Variants in DLGAP2 observed in about 807,000 individuals in gnomAD.
DLGAP2 encodes DLG associated protein 2, also known as disks large-associated protein 2.
A neutral mutation model predicts 100.3 loss-of-function variants in DLGAP2; 26 were observed. The ratio of observed to expected loss-of-function variants is 0.26; its 90% confidence interval spans 0.19 to 0.36. The LOEUF (loss-of-function observed/expected upper bound fraction) is 0.36. Among genes scored for constraint, DLGAP2 ranks in the 10% least tolerant of loss-of-function variants. The pLI, the probability that DLGAP2 is intolerant of heterozygous loss-of-function variation, is 1.00. For synonymous variants in DLGAP2, 886 were observed against 630.1 expected, an observed-to-expected ratio of 1.41 and a Z score of -6.08; for missense variants, 1,858 against 1,453.2, an observed-to-expected ratio of 1.28 and a Z score of -4.53.
chr8:916,480 A>G (rs556397574), intron 2 of DLGAP2, among the ~76,000 whole-genome samples: 1 of 152,312 alleles, frequency 6.6e-6, no homozygotes, highest in East Asian at 1.9e-4. Flanking sequence ...GAACAATGAG[A>G]ACAGTTGGAC....
At chr8:1,147,538 CTTTTT>C (rs66900715) in intron 2 of DLGAP2, among the ~76,000 whole-genome samples, 1 of 144,376 alleles carries the variant, frequency 6.9e-6, no homozygotes, top group Non-Finnish European at 1.5e-5. Context: ...ATACCTTCTT[CTTTTT>C]TTTTTTTTTT....
At chr8:998,025 ATGC>A (rs1800834310) in intron 2 of DLGAP2, among the ~76,000 whole-genome samples, 1 of 151,860 alleles carries the variant, frequency 6.6e-6, no homozygotes, top group Admixed American at 6.6e-5. Context: ...GCACACAAAC[ATGC>A]ATAAACATGT....
At chr8:1,292,649 A>G (rs528659055) in intron 3 of DLGAP2, among the ~76,000 whole-genome samples, 88 of 152,336 alleles carry the variant, frequency 5.8e-4, no homozygotes, top group African/African-American at 2.0e-3. Context: ...TACCCAATGT[A>G]ACGGCCTCCG....
intron 2 of DLGAP2, among the ~76,000 whole-genome samples, chr8:1,023,640 TC>T (rs1449653981): frequency 6.6e-6 from 1 of 151,030 alleles, no homozygotes; most frequent in African/African-American, 2.4e-5. Context: ...TGATCATTGT[TC>T]CCCACGTGTG....
chr8:1,267,579 A>AAAAT (rs1273852129), intron 3 of DLGAP2, among the ~76,000 whole-genome samples: 10 of 58,460 alleles, frequency 1.7e-4, no homozygotes, highest in African/African-American at 8.2e-4. Context: ...AAAATAAAAT[A>AAAAT]AAATAAAATA....
intron 3 of DLGAP2, among the ~76,000 whole-genome samples, chr8:1,289,700 AC>A (rs569749671): frequency 4.6e-5 from 7 of 151,418 alleles, no homozygotes; most frequent in Non-Finnish European, 1.0e-4. Flanking sequence ...TCACAGAAGT[AC>A]CCCCCCGAGG....
chr8:1,501,195 C>T (rs1450346121), intron 3 of DLGAP2, among the ~76,000 whole-genome samples, 171 bp from the exon 4 acceptor site: 6 of 152,152 alleles, frequency 3.9e-5, no homozygotes, highest in Non-Finnish European at 8.8e-5. Flanking sequence ...CTGGTTGTTC[C>T]TGAGGTTATT....
chr8:1,245,543 C>G (rs925206398), intron 2 of DLGAP2, among the ~76,000 whole-genome samples: 5 of 152,158 alleles, frequency 3.3e-5, no homozygotes, highest in African/African-American at 9.7e-5. Flanking sequence ...ACAGGCAAAT[C>G]TATATAGAAA....
chr8:1,138,332 CAG>C (rs572658792), intron 2 of DLGAP2, among the ~76,000 whole-genome samples: 114 of 152,356 alleles, frequency 7.5e-4, no homozygotes, highest in African/African-American at 2.6e-3. Context: ...GAAGACCTCA[CAG>C]GGGGCTGGAA....
At chr8:1,194,286 C>T (rs746381081) in intron 2 of DLGAP2, among the ~76,000 whole-genome samples, 1 of 152,052 alleles carries the variant, frequency 6.6e-6, no homozygotes, top group East Asian at 1.9e-4. Flanking sequence ...AGTGAACCTG[C>T]AAGAGACAAG....
intron 3 of DLGAP2, among the ~76,000 whole-genome samples, chr8:1,289,153 A>C (rs1005701905): frequency 4.6e-5 from 7 of 152,326 alleles, no homozygotes; most frequent in Middle Eastern, 3.4e-3. Context: ...GGAGAAAGCC[A>C]ATGTCTGCAT....
In DLGAP2 at chr8:1,063,841, T is replaced by G. The variant is rs532286962; in HGVS notation, c.73+155875T>G. On this transcript the variant is annotated intron_variant, in intron 2 of 14. Coordinates refer to ENST00000637795, the MANE Select transcript of DLGAP2 (RefSeq NM_001346810.2). ...TGCCTCTCCACACGGAGGTTTAGTG[T>G]TAAAATGGTGTCTGTTGTGGCCTTT... is the stretch of plus-strand genomic sequence containing the variant. Among the ~76,000 whole-genome samples, 19 of 152,342 alleles carry G rather than the reference T, an allele frequency of 1.2e-4. No individual in the cohort carries two copies. In the South Asian group the frequency reaches 3.9e-3, roughly 32 times the overall value.
At chr8:1,032,724 T>C (rs1156412634) in intron 2 of DLGAP2, 3 of 152,192 alleles carry the variant, frequency 2.0e-5, no homozygotes, top group Admixed American at 6.5e-5. Flanking sequence ...CCTAAATCAC[T>C]ACTGAGAGCA....
chr8:1,456,419 C>G (rs1323614292), intron 3 of DLGAP2, among the ~76,000 whole-genome samples: 1 of 152,166 alleles, frequency 6.6e-6, no homozygotes, highest in Non-Finnish European at 1.5e-5. Flanking sequence ...TCAAGGCAAT[C>G]ACATAATGAT....
chr8:972,608 A>ATTTTTTTCTTTTT (rs71528628), intron 2 of DLGAP2, among the ~76,000 whole-genome samples: 20 of 149,306 alleles, frequency 1.3e-4, no homozygotes, highest in Non-Finnish European at 2.1e-4. Context: ...TTTTTTTTGT[A>ATTTTTTTCTTTTT]TTTTTTTCTT....
intron 3 of DLGAP2, among the ~76,000 whole-genome samples, chr8:1,373,499 C>T (rs528265656): frequency 6.6e-6 from 1 of 152,322 alleles, no homozygotes; most frequent in East Asian, 1.9e-4. Flanking sequence ...TCTGTGGACA[C>T]GTCTGCCCAC....
intron 3 of DLGAP2, among the ~76,000 whole-genome samples, chr8:1,277,909 A>G (rs768416300): frequency 1.3e-5 from 2 of 152,234 alleles, no homozygotes; most frequent in Non-Finnish European, 2.9e-5. Context: ...CGGAAACGTT[A>G]TCTTGAATCT....
intron 4 of DLGAP2, among the ~76,000 whole-genome samples, chr8:1,547,594 C>T (rs901087223): frequency 4.6e-5 from 7 of 152,142 alleles, no homozygotes; most frequent in African/African-American, 1.7e-4. Context: ...CTGGCAGATC[C>T]TCCTTCTCTG....
intron 3 of DLGAP2, among the ~76,000 whole-genome samples, chr8:1,381,782 A>AGTGTGTGTGTGTGT (rs72529197): frequency 3.5e-4 from 50 of 141,790 alleles, no homozygotes; most frequent in East Asian, 1.3e-3. Context: ...GGGTTATTCT[A>AGTGTGTGTGTGTGT]GTGTGTGTGT....
Sources: allele counts gnomAD v4.1 joint callset (sites outside exome capture counted in the v4.1 genomes callset), GRCh38; gene constraint gnomAD v4.1.1; transcripts MANE v1.5; gene names NCBI Gene and HGNC (gene_info 2026-07-23, HGNC 2026-07-21).